SNURF: variants seen among roughly 807,000 people sequenced by gnomAD.
SNURF encodes the protein SNRPN upstream open reading frame.
Under a neutral mutation model 11.6 loss-of-function variants are expected in SNURF, and 6 were observed. The ratio of observed to expected loss-of-function variants is 0.52; its 90% confidence interval spans 0.28 to 1.02. The LOEUF is 1.02. SNURF is among the 50% of genes least tolerant of loss of function. SNURF has a pLI of 0.09. For missense variants in SNURF, 84 were observed against 88.4 expected (o/e 0.95, Z 0.20); for synonymous variants, 29 against 31.6 (o/e 0.92, Z 0.27).
chr15:24,958,802 C>T (rs1164598647), intron 1 of SNURF: 2 of 154,260 alleles, frequency 1.3e-5, no homozygotes, highest in Admixed American at 6.6e-5. Flanking sequence ...TCCCTGTAAC[C>T]TCAAACTCCT....
At chr15:24,971,584 G>A (rs145975310), downstream of SNURF, among the ~76,000 whole-genome samples, 6 of 151,720 alleles carry the variant, frequency 4.0e-5, no homozygotes, top group African/African-American at 1.5e-4. Context: ...AATTCTCTAG[G>A]TCTTCAGTTC....
chr15:24,968,127 G>A lies in SNURF; in HGVS notation c.*90G>A. 2.6e-6 allele frequency: 3 copies of A among 1,157,856 alleles called. No homozygotes were observed. The South Asian group carries it at 3.8e-5, about 14-fold the overall frequency. The allele number at this position is 1,157,856 out of a possible 1,614,324, so 71.7% of individuals were successfully genotyped here. A position where few individuals can be genotyped will look rare whatever the true frequency, so the allele number is the denominator to read the frequency against. On this transcript the variant is annotated 3_prime_UTR_variant, in exon 3 of 3. Transcript: ENST00000577949. ...TGATCAAGAATAAAGAATCATTAAAGAATGGGGTGTTGGGGGTTCTCTTAA... is the reference window on the plus strand; with the variant it reads ...TGATCAAGAATAAAGAATCATTAAAAAATGGGGTGTTGGGGGTTCTCTTAA...
In SNURF at chr15:24,955,074, C is replaced by G; in HGVS notation, c.14+12C>G. The G allele has an allele frequency of 6.2e-7, 1 of 1,613,536 alleles. No homozygotes were observed. ...ATGGAGCGGGCAAGGTCAGCTGTGCCGGTGGCTTCTCTCAAGAGACAGCCT... is the reference window on the plus strand; with the variant it reads ...ATGGAGCGGGCAAGGTCAGCTGTGCGGGTGGCTTCTCTCAAGAGACAGCCT... On this transcript the variant is annotated intron_variant, in intron 1 of 2. Transcript: ENST00000577949.
intron 5 of SNURF, chr15:24,976,734 C>A: frequency 1.4e-6 from 1 of 738,086 alleles, no homozygotes; most frequent in Non-Finnish European, 2.3e-6. Flanking sequence ...CCATGGTATA[C>A]TTGCTTGTTT....
chr15:24,967,907 T>A, intron 2 of SNURF, 25 bp from the exon 3 acceptor site: 1 of 1,587,264 alleles, frequency 6.3e-7, no homozygotes, highest in Non-Finnish European at 8.7e-7. Flanking sequence ...TTTTATCATT[T>A]ATATATATTG....
At chr15:24,976,736 T>TG in intron 5 of SNURF, 2 of 747,134 alleles carry the variant, frequency 2.7e-6, no homozygotes, top group Non-Finnish European at 4.5e-6. Flanking sequence ...ATGGTATACT[T>TG]GCTTGTTTGT....
chr15:24,970,070 A>G (rs1014074208), downstream of SNURF, among the ~76,000 whole-genome samples: 13 of 152,226 alleles, frequency 8.5e-5, no homozygotes, highest in African/African-American at 2.9e-4. Flanking sequence ...TCATAATGTC[A>G]TAGAAGGTGA....
rs116905609 is a variant in SNURF at position 24,965,394 on chromosome 15, G to A, written c.111-2538G>A. On this transcript the variant is annotated intron_variant, in intron 2 of 2. Coordinates refer to ENST00000577949, the Ensembl canonical transcript of SNURF. ...CTCTAGAAAAATAAAAAAATCAGCC[G>A]GGTGTGGTAGTGTGCACCTGTAATC... Among the ~76,000 whole-genome samples the A allele has an allele frequency of 4.6e-5, 7 of 152,172 alleles. No individual in the cohort carries two copies. The South Asian group carries it at 6.2e-4, about 14-fold the overall frequency.
chr15:24,973,205 T>G (rs2076655664), downstream of SNURF, among the ~76,000 whole-genome samples: 1 of 151,546 alleles, frequency 6.6e-6, no homozygotes, highest in African/African-American at 2.4e-5. Flanking sequence ...CTGTTTAACA[T>G]TGTATTGTGA....
exon 3 of SNURF, chr15:24,968,280 G>C: frequency 2.2e-6 from 1 of 455,012 alleles, no homozygotes; most frequent in Non-Finnish European, 4.0e-6. Flanking sequence ...CTGTATTCCA[G>C]TTATTGTAGC....
Position 24,967,996 on chromosome 15 carries a change from CTG to C in SNURF, c.176_177del (p.Leu59GlnfsTer7). 1 of 1,614,008 alleles carries C rather than the reference CTG, an allele frequency of 6.2e-7. No homozygotes were observed. Among genetic ancestry groups the C allele is most frequent in the Non-Finnish European group, 8.5e-7 (1 of 1,180,000 alleles). On this transcript the variant is annotated frameshift_variant, in exon 3 of 3. Transcript: ENST00000577949. LOFTEE classifies it high-confidence loss of function. ...ACCTGTGGTGGATTTCCAGGCTGAACTGAGGCAGGCATTCTTAGCTGAGACAC... is the reference window on the plus strand; with the variant it reads ...ACCTGTGGTGGATTTCCAGGCTGAACAGGCAGGCATTCTTAGCTGAGACAC...
chr15:24,977,116 T>A, intron 6 of SNURF: 10 of 1,047,130 alleles, frequency 9.5e-6, no homozygotes, highest in Non-Finnish European at 1.2e-5. Context: ...AGTGTATGTG[T>A]CATACAATGT....
chr15:24,956,017 G>C lies in SNURF; in HGVS notation c.14+955G>C, dbSNP rs1292602674. ...GGTCATCTGGTTTGCCTACTGTGGTGGTGGTGCTTTTTTATTAAAACTGCG... is the reference window on the plus strand; with the variant it reads ...GGTCATCTGGTTTGCCTACTGTGGTCGTGGTGCTTTTTTATTAAAACTGCG... On this transcript the variant is annotated intron_variant, in intron 1 of 2. Transcript: ENST00000577949. Among the ~76,000 whole-genome samples the C allele has an allele frequency of 2.6e-5, 4 of 152,082 alleles. No individual in the cohort carries two copies. In the East Asian group the frequency reaches 7.7e-4, roughly 29 times the overall value.
Position 24,955,076 on chromosome 15 carries a change from G to A in SNURF, c.14+14G>A, listed in dbSNP as rs1400916760. On this transcript the variant is annotated intron_variant, in intron 1 of 2. Transcript: ENST00000577949. ...GGAGCGGGCAAGGTCAGCTGTGCCG[G>A]TGGCTTCTCTCAAGAGACAGCCTGG... The A allele has an allele frequency of 2.5e-6, 4 of 1,613,438 alleles. No individual in the cohort carries two copies. In the Admixed American group the frequency reaches 5.0e-5, roughly 20 times the overall value.
chr15:24,974,234 G>T (rs1321314782), intron 3 of SNURF: 1 of 578,016 alleles, frequency 1.7e-6, no homozygotes, highest in East Asian at 2.9e-5. Context: ...CTGTCATAGT[G>T]ATTTTCATGC....
chr15:24,978,503 T>C (rs2077317671), downstream of SNURF: 3 of 1,496,398 alleles, frequency 2.0e-6, no homozygotes, highest in South Asian at 1.1e-5. Flanking sequence ...TGAAATTGTG[T>C]AGAGTGTTTG....
chr15:24,961,296 A>G (rs184526406), intron 1 of SNURF, among the ~76,000 whole-genome samples: 126 of 152,352 alleles, frequency 8.3e-4, no homozygotes, highest in African/African-American at 3.0e-3. Flanking sequence ...CTAAAAGTCT[A>G]ACATGACTTA....
chr15:24,971,693 G>T (rs559521935), downstream of SNURF, among the ~76,000 whole-genome samples: 1 of 152,186 alleles, frequency 6.6e-6, no homozygotes, highest in African/African-American at 2.4e-5. Context: ...CATTGCCAAG[G>T]TCTGATTTTT....
chr15:24,974,577 T>G (rs566806700), intron 3 of SNURF: 3 of 924,038 alleles, frequency 3.2e-6, no homozygotes, highest in Non-Finnish European at 5.4e-6. Context: ...TCCATGGATA[T>G]GGATTCTCAT....
Sources: allele counts gnomAD v4.1 joint callset (sites outside exome capture counted in the v4.1 genomes callset), GRCh38; gene constraint gnomAD v4.1.1; transcripts MANE v1.5; gene names NCBI Gene and HGNC (gene_info 2026-07-23, HGNC 2026-07-21).